Variants in ANKUB1 observed in about 807,000 individuals in gnomAD.
The protein encoded by ANKUB1 is protein ANKUB1.
Under a neutral mutation model 49.3 loss-of-function variants are expected in ANKUB1, and 42 were observed. The ratio of observed to expected loss-of-function variants is 0.85; its 90% CI spans 0.67 to 1.10. The LOEUF (loss-of-function observed/expected upper bound fraction) is 1.10, where lower values mean the gene tolerates loss of function less well. Among genes scored for constraint, ANKUB1 ranks in the 50% least tolerant of loss-of-function variants. ANKUB1 has a pLI of 0.00. For missense variants in ANKUB1, 613 were observed against 642.0 expected (o/e 0.95, Z 0.49); for synonymous variants, 222 against 231.0 (o/e 0.96, Z 0.35).
intron 3 of ANKUB1, among the ~76,000 whole-genome samples, chr3:149,777,026 G>C (rs1047742088): frequency 1.3e-5 from 2 of 152,000 alleles, no homozygotes; most frequent in African/African-American, 4.8e-5. Context: ...TCTGCCTTCT[G>C]TGTTTCACAG....
rs542187732 is a variant in ANKUB1, at chr3:149,786,390, C to T, written c.234+4391G>A. Among the ~76,000 whole-genome samples, 695 of 152,290 alleles carry T rather than the reference C, an allele frequency of 4.6e-3. 3 individuals carry two copies. The highest frequency in any genetic ancestry group is 6.8e-3 in the Middle Eastern group (2 of 294). ...TGCATAAATGTCTTCTTTTGAGAAG[C>T]ATCTGTTCATGTCCTTTGCCCACTT... On this transcript the variant is annotated intron_variant, in intron 2 of 5. Coordinates refer to ENST00000446160, the MANE Select transcript of ANKUB1 (RefSeq NM_001144960.3).
rs774922021 is a variant in ANKUB1 at position 149,767,424 on chromosome 3, G to A, written c.1238C>T (p.Ala413Val). ...TTTTTGTAATTCAGAGAATGAACTT[G>A]CATTCACCAGTGGATGAAATTTGAG... ...QALKFHPLVN[A>V]SSFSELQKHQ... is the part of the protein sequence containing the mutation. The change falls in exon 5 of 6, where the codon GCA (alanine) becomes GTA (valine). Residue 413 changes from alanine (A) to valine (V), a missense_variant. By Grantham distance (64) the Ala-to-Val change is moderately conservative. Coordinates refer to ENST00000446160, the MANE Select transcript of ANKUB1 (RefSeq NM_001144960.3). The A allele has an allele frequency of 6.4e-7, 1 of 1,551,702 alleles. No homozygotes were observed.
chr3:149,785,908 C>G (rs1434151187), intron 2 of ANKUB1, among the ~76,000 whole-genome samples: 3 of 152,330 alleles, frequency 2.0e-5, no homozygotes, highest in Admixed American at 6.5e-5. Context: ...TTCTCCACAT[C>G]CTCTCCAGCA....
intron 4 of ANKUB1, among the ~76,000 whole-genome samples, 198 bp from the exon 5 acceptor site, chr3:149,768,293 T>C (rs193181841): frequency 1.0e-3 from 152 of 152,340 alleles, no homozygotes; most frequent in African/African-American, 3.6e-3. Context: ...ATTATCCTAC[T>C]ATGCACGTGT....
intron 3 of ANKUB1, among the ~76,000 whole-genome samples, chr3:149,775,049 A>G (rs1717532525): frequency 6.6e-6 from 1 of 152,198 alleles, no homozygotes; most frequent in African/African-American, 2.4e-5. Context: ...ACAAAATTGT[A>G]TTAACTTTAC....
intron 3 of ANKUB1, among the ~76,000 whole-genome samples, chr3:149,770,918 A>G (rs190897592): frequency 1.5e-3 from 225 of 152,270 alleles, no homozygotes; most frequent in Non-Finnish European, 1.1e-3. Flanking sequence ...GCACTGAAGT[A>G]TTTTTTTGCA....
At position 149,761,373 on chromosome 3, in the gene ANKUB1, A is replaced by T. The variant is rs2108258589; in HGVS notation, c.*111T>A. On this transcript the variant is annotated 3_prime_UTR_variant, in exon 6 of 6. Coordinates refer to ENST00000446160, the MANE Select transcript of ANKUB1 (RefSeq NM_001144960.3). ...ATCCTATTAAAAGTTATGTGGCATTATAACTGTTACTAGAGATGATAACAT... is the reference window on the plus strand; with the variant it reads ...ATCCTATTAAAAGTTATGTGGCATTTTAACTGTTACTAGAGATGATAACAT... 3 of 1,277,258 alleles carry T rather than the reference A, an allele frequency of 2.3e-6. No individual in the cohort carries two copies. Among genetic ancestry groups the T allele is most frequent in the Non-Finnish European group, 3.2e-6 (3 of 941,256 alleles). 79.1% of individuals were successfully genotyped at this position (1,277,258 alleles called of 1,614,324 possible). A position where few individuals can be genotyped will look rare whatever the true frequency, so the allele number is the denominator to read the frequency against.
At chr3:149,786,191 G>T (rs536611807) in intron 2 of ANKUB1, among the ~76,000 whole-genome samples, 3 of 152,022 alleles carry the variant, frequency 2.0e-5, no homozygotes, top group Non-Finnish European at 2.9e-5. Flanking sequence ...ACCCGCCAAC[G>T]CGCCCGGCTA....
intron 4 of ANKUB1, among the ~76,000 whole-genome samples, chr3:149,768,595 G>A (rs748527411): frequency 5.3e-5 from 8 of 151,682 alleles, no homozygotes; most frequent in Non-Finnish European, 1.2e-4. Flanking sequence ...AGGCTGGAGT[G>A]CAGTGATGCA....
At position 149,762,242 on chromosome 3, in the gene ANKUB1, T is replaced by C. The variant is rs148648186; in HGVS notation, c.1506-629A>G. 1.5e-3 allele frequency among the ~76,000 whole-genome samples: 221 copies of C among 152,320 alleles called. 1 individual carries two copies. The highest frequency in any genetic ancestry group is 5.1e-3 in the African/African-American group (210 of 41,580). On this transcript the variant is annotated intron_variant, in intron 5 of 5. Transcript: ENST00000446160. ...TAGGAGTCCTCATTTACTCACTGTT[T>C]AAATTCTTTTATCCATGACTCCTTG...
In ANKUB1 at chr3:149,781,105, C is replaced by T. The variant is rs149576575; in HGVS notation, c.235-650G>A. 4.5e-3 allele frequency among the ~76,000 whole-genome samples: 681 copies of T among 150,794 alleles called. 7 individuals are homozygous for T. Among genetic ancestry groups the T allele is most frequent in the African/African-American group, 0.016 (651 of 41,008 alleles). On this transcript the variant is annotated intron_variant, in intron 2 of 5. Transcript: ENST00000446160. ...CCTCCCATAGTGTTGGGATTACAGG[C>T]GCGAGCCACTGCACCTGGCCTACTT...
In ANKUB1 at chr3:149,770,600, T is replaced by C. The variant is rs900457730; in HGVS notation, c.526A>G (p.Lys176Glu). The change falls in exon 4 of 6, where the codon AAA becomes GAA. Residue 176 changes from lysine to glutamate, a missense_variant. Transcript: ENST00000446160. Reference sequence around the variant, plus strand: ...TCTTTTGATAAGTAGCGTTGGACTTTAAGTTTTTGTCCAAGGAGACAACCC... The same window carrying C: ...TCTTTTGATAAGTAGCGTTGGACTTCAAGTTTTTGTCCAAGGAGACAACCC... ...LMGCLLGQKL[K>E]VQRYLSKEGP... is the part of the protein sequence containing the mutation. 2.3e-5 allele frequency: 36 copies of C among 1,550,420 alleles called. No individual in the cohort carries two copies. In the Admixed American group the frequency reaches 6.9e-4, roughly 30 times the overall value.
At position 149,767,307 on chromosome 3, in the gene ANKUB1, G is replaced by C. The variant is rs894782858; in HGVS notation, c.1355C>G (p.Pro452Arg). The C allele has an allele frequency of 1.3e-6, 2 of 1,551,658 alleles. No individual in the cohort carries two copies. Among genetic ancestry groups the C allele is most frequent in the African/African-American group, 2.7e-5 (2 of 73,174 alleles). Residue 452 changes from proline (P) to arginine (R), a missense_variant, in exon 5 of 6, where the codon CCT becomes CGT. Coordinates refer to ENST00000446160, the MANE Select transcript of ANKUB1 (RefSeq NM_001144960.3). ...KNTYLPQVPL[P>R]PVSRVGYSHP... ...TGAATATCCCACTCTTGAAACTGGA[G>C]GGAGGGGGACTTGGGGAAGATATGT...
At chr3:149,762,037 C>T (rs924324422) in intron 5 of ANKUB1, among the ~76,000 whole-genome samples, 7 of 152,092 alleles carry the variant, frequency 4.6e-5, no homozygotes, top group Non-Finnish European at 8.8e-5. Context: ...TGCAAAGGAA[C>T]TTAATGTTTT....
At chr3:149,790,680 C>A (rs1342288071) in intron 2 of ANKUB1, 101 bp downstream of exon 2, 4 of 1,211,026 alleles carry the variant, frequency 3.3e-6, no homozygotes, top group Non-Finnish European at 2.3e-6. Flanking sequence ...CAAAAAGAGA[C>A]AATTTCTTTT....
At position 149,761,467 on chromosome 3, in the gene ANKUB1, GA is replaced by G; in HGVS notation, c.*16del. 1 of 1,551,014 alleles carries G rather than the reference GA, an allele frequency of 6.4e-7. No homozygotes were observed. Among genetic ancestry groups the G allele is most frequent in the Non-Finnish European group, 8.7e-7 (1 of 1,146,504 alleles). ...GTTTGATCAGGTCTTTGTCCAAACT[GA>G]AGTTGTCATGACTTTTCAAAGCACA... On this transcript the variant is annotated 3_prime_UTR_variant, in exon 6 of 6. Transcript: ENST00000446160.
intron 4 of ANKUB1, among the ~76,000 whole-genome samples, chr3:149,769,193 G>A (rs939454618): frequency 1.3e-5 from 2 of 152,022 alleles, no homozygotes; most frequent in East Asian, 3.9e-4. Flanking sequence ...ACCCATGAGG[G>A]GGCACTTTTC....
rs2108284246 is a variant in ANKUB1 at position 149,790,891 on chromosome 3, G to C, written c.124C>G (p.Gln42Glu). The C allele has an allele frequency of 6.4e-7, 1 of 1,552,022 alleles. No homozygotes were observed. Among genetic ancestry groups the C allele is most frequent in the African/African-American group, 1.4e-5 (1 of 73,164 alleles). ...YFHIPLSEDK[Q>E]GRRYLELMYA... Reference sequence around the variant, plus strand: ...ATTAACTCCAGATACCGCCTGCCTTGTTTGTCTTCAGAGAGAGGAATGTGG... The same window carrying C: ...ATTAACTCCAGATACCGCCTGCCTTCTTTGTCTTCAGAGAGAGGAATGTGG... Residue 42 changes from glutamine to glutamate, a missense_variant, in exon 2 of 6, where the codon CAA (glutamine) becomes GAA (glutamate). Coordinates refer to ENST00000446160, the MANE Select transcript of ANKUB1 (RefSeq NM_001144960.3).
intron 3 of ANKUB1, among the ~76,000 whole-genome samples, chr3:149,772,748 G>A (rs549943158): frequency 3.9e-4 from 60 of 152,246 alleles, no homozygotes; most frequent in African/African-American, 1.4e-3. Context: ...CCTGGCTTAT[G>A]GTGGACACTC....
Sources: allele counts gnomAD v4.1 joint callset (sites outside exome capture counted in the v4.1 genomes callset), GRCh38; gene constraint gnomAD v4.1.1; transcripts MANE v1.5; gene names NCBI Gene and HGNC (gene_info 2026-07-23, HGNC 2026-07-21).